Variants in PCDH15 observed in about 807,000 individuals in gnomAD.
PCDH15 encodes the protein protocadherin-15.
In PCDH15, 129 loss-of-function variants were observed where a neutral mutation model predicts 178.5. That is an observed-to-expected ratio of 0.72 (90% CI 0.63 to 0.84). The LOEUF (loss-of-function observed/expected upper bound fraction) is 0.84. PCDH15 is among the 40% of genes least tolerant of loss of function. The probability of loss-of-function intolerance (pLI) is 0.00; values close to 1 mark genes in which losing one functional copy is unlikely to be tolerated. For synonymous variants in PCDH15, 800 were observed against 732.0 expected (o/e 1.09, Z -1.50); for missense variants, 2,230 against 2,099.9 (o/e 1.06, Z -1.21).
chr10:54,514,189 G>C (rs1338550565), intron 3 of PCDH15, among the ~76,000 whole-genome samples: 2 of 152,130 alleles, frequency 1.3e-5, no homozygotes, highest in African/African-American at 2.4e-5. Context: ...ACAGAATGAA[G>C]AAGGCACATC....
intron 21 of PCDH15, among the ~76,000 whole-genome samples, chr10:53,982,755 G>C (rs2090766373): frequency 6.6e-6 from 1 of 151,258 alleles, no homozygotes. Flanking sequence ...CACCAGCATG[G>C]CACATGTATA....
At chr10:55,573,489 T>C (rs1842443892) in intron 2 of PCDH15, among the ~76,000 whole-genome samples, 1 of 152,094 alleles carries the variant, frequency 6.6e-6, no homozygotes, top group Non-Finnish European at 1.5e-5. Flanking sequence ...ATAATTCTAC[T>C]ACATTTCTTT....
intron 5 of PCDH15, among the ~76,000 whole-genome samples, chr10:54,346,869 T>G (rs772241423): frequency 6.6e-6 from 1 of 152,222 alleles, no homozygotes. Flanking sequence ...TAGTTTAAAA[T>G]AAACGATTTA....
At chr10:54,676,797 AT>A (rs1226430635) in intron 1 of PCDH15, among the ~76,000 whole-genome samples, 1 of 152,202 alleles carries the variant, frequency 6.6e-6, no homozygotes, top group Admixed American at 6.5e-5. Flanking sequence ...TAAGTACAAA[AT>A]CTCATTTAAA....
chr10:54,231,198 T>G (rs1300210641), intron 9 of PCDH15, among the ~76,000 whole-genome samples: 2 of 152,218 alleles, frequency 1.3e-5, no homozygotes, highest in Non-Finnish European at 2.9e-5. Flanking sequence ...TCCACTGCCC[T>G]GTGCAACCTC....
At chr10:55,414,332 C>A (rs1838421304) in intron 2 of PCDH15, among the ~76,000 whole-genome samples, 1 of 151,442 alleles carries the variant, frequency 6.6e-6, no homozygotes, top group Non-Finnish European at 1.5e-5. Context: ...AGTAGTACAA[C>A]CCGATGAAGA....
At chr10:54,505,751 A>G (rs1357179161) in intron 3 of PCDH15, among the ~76,000 whole-genome samples, 1 of 152,116 alleles carries the variant, frequency 6.6e-6, no homozygotes, top group Non-Finnish European at 1.5e-5. Context: ...CCTGTGCAAC[A>G]AAACTGCACG....
At chr10:54,921,672 T>G (rs1202122837) in intron 2 of PCDH15, among the ~76,000 whole-genome samples, 7 of 152,238 alleles carry the variant, frequency 4.6e-5, no homozygotes, top group African/African-American at 1.7e-4. Flanking sequence ...CTCACTCTTT[T>G]TATGGCTGCA....
intron 3 of PCDH15, among the ~76,000 whole-genome samples, chr10:54,459,267 C>T (rs1020256253): frequency 6.6e-6 from 1 of 152,214 alleles, no homozygotes; most frequent in East Asian, 1.9e-4. Flanking sequence ...GAATAATTAT[C>T]TTACTTGTTT....
chr10:54,215,402 G>A (rs2051907182), intron 9 of PCDH15, among the ~76,000 whole-genome samples: 1 of 152,108 alleles, frequency 6.6e-6, no homozygotes, highest in Non-Finnish European at 1.5e-5. Flanking sequence ...TCTACAAATA[G>A]TCAAAATTAT....
At chr10:53,874,789 TAG>T (rs1258779002) in intron 26 of PCDH15, among the ~76,000 whole-genome samples, 2 of 152,062 alleles carry the variant, frequency 1.3e-5, no homozygotes, top group African/African-American at 4.8e-5. Flanking sequence ...TTTGAATTAG[TAG>T]ACACTGAATA....
At chr10:53,883,259 T>C (rs2080862166) in intron 26 of PCDH15, among the ~76,000 whole-genome samples, 1 of 152,170 alleles carries the variant, frequency 6.6e-6, no homozygotes, top group Non-Finnish European at 1.5e-5. Context: ...TGCCATCCTA[T>C]AGCTTTGTAA....
chr10:55,295,546 T>A (rs1843111639), intron 1 of PCDH15, among the ~76,000 whole-genome samples: 1 of 152,158 alleles, frequency 6.6e-6, no homozygotes, highest in Admixed American at 6.6e-5. Context: ...GAGAAGGAAA[T>A]CTTTTGTATT....
intron 8 of PCDH15, among the ~76,000 whole-genome samples, chr10:54,305,652 G>A (rs1365802973): frequency 6.6e-6 from 1 of 151,960 alleles, no homozygotes; most frequent in East Asian, 1.9e-4. Context: ...GAATATGCAA[G>A]AAATTTCCAC....
At chr10:55,472,304 T>C (rs907147274) in intron 2 of PCDH15, among the ~76,000 whole-genome samples, 7 of 152,202 alleles carry the variant, frequency 4.6e-5, no homozygotes, top group Admixed American at 4.6e-4. Flanking sequence ...GTGCCAATTA[T>C]GCTTTCAACT....
chr10:54,621,045 G>A (rs535747284), intron 2 of PCDH15, among the ~76,000 whole-genome samples: 1 of 151,892 alleles, frequency 6.6e-6, no homozygotes, highest in Non-Finnish European at 1.5e-5. Flanking sequence ...TGTTCCCTAA[G>A]GTACTGTGTA....
At position 55,224,702 on chromosome 10, in the gene PCDH15, T is replaced by C. The variant is rs185621551; in HGVS notation, c.-155-58051A>G. Among the ~76,000 whole-genome samples the C allele has an allele frequency of 1.8e-3, 272 of 152,226 alleles. 1 individual carries two copies. Among genetic ancestry groups the C allele is most frequent in the African/African-American group, 6.2e-3 (257 of 41,470 alleles). Reference sequence around the variant, plus strand: ...CACTGAATGAATAAGTGTTGTTCTTTTGCTTAATCTTCCACTTGCACATAG... The same window carrying C: ...CACTGAATGAATAAGTGTTGTTCTTCTGCTTAATCTTCCACTTGCACATAG... On this transcript the variant is annotated intron_variant, in intron 1 of 5. Coordinates refer to the PCDH15 transcript ENST00000458638.
At chr10:54,215,449 C>T (rs938861424) in intron 9 of PCDH15, among the ~76,000 whole-genome samples, 1 of 152,072 alleles carries the variant, frequency 6.6e-6, no homozygotes, top group African/African-American at 2.4e-5. Context: ...AGTTATCCCT[C>T]CTAATAGGAG....
At chr10:54,600,058 A>T in intron 2 of PCDH15, 1 of 1,244,470 alleles carries the variant, frequency 8.0e-7, no homozygotes. Context: ...AGAGGAAGAA[A>T]AGGAAATCGA....
Sources: gnomAD v4.1 joint callset for allele counts (sites outside exome capture counted in the v4.1 genomes callset) on GRCh38, gnomAD v4.1.1 for gene constraint, MANE v1.5 for transcripts, NCBI Gene and HGNC (gene_info 2026-07-23, HGNC 2026-07-21) for gene names.